The following PTPRK variants were observed in gnomAD, a reference collection of about 807,000 sequenced individuals.
The protein encoded by PTPRK is receptor-type tyrosine-protein phosphatase kappa.
Under a neutral mutation model 178.0 loss-of-function variants are expected in PTPRK, and 75 were observed. The observed-to-expected ratio is 0.42, with a 90% CI of 0.35 to 0.51. PTPRK has a LOEUF of 0.51. PTPRK is among the 20% of genes least tolerant of loss of function. The pLI is 0.02. For missense variants in PTPRK, 1,441 were observed against 1,797.8 expected (o/e 0.80, Z 3.59); for synonymous variants, 637 against 620.6 (o/e 1.03, Z -0.39).
intron 13 of PTPRK, among the ~76,000 whole-genome samples, chr6:128,025,809 C>G (rs1774204412): frequency 6.6e-6 from 1 of 152,168 alleles, no homozygotes; most frequent in African/African-American, 2.4e-5. Flanking sequence ...GACTTCTCCT[C>G]TGTCAAATCT....
At chr6:127,987,275 G>GA (rs34440526) in intron 21 of PTPRK, among the ~76,000 whole-genome samples, 52,300 of 149,258 alleles carry the variant, frequency 0.35, 9,940 homozygotes, top group East Asian at 0.43. Context: ...TAAATAACAA[G>GA]AAAAAAAAAT....
chr6:127,985,985 C>CCTG, intron 21 of PTPRK, 110 bp from the exon 22 acceptor site: 1 of 1,083,634 alleles, frequency 9.2e-7, no homozygotes, highest in Non-Finnish European at 1.3e-6. Context: ...ACAATAAAAC[C>CCTG]TTTACGAAAG....
intron 7 of PTPRK, among the ~76,000 whole-genome samples, chr6:128,121,661 A>C (rs942417167): frequency 6.6e-6 from 1 of 152,032 alleles, no homozygotes; most frequent in African/African-American, 2.4e-5. Context: ...ACTCAAAGGA[A>C]TAAGTCAAAA....
chr6:128,317,884 G>T (rs1828237577), intron 3 of PTPRK, among the ~76,000 whole-genome samples: 1 of 152,072 alleles, frequency 6.6e-6, no homozygotes, highest in Non-Finnish European at 1.5e-5. Flanking sequence ...AAGAAGCTGG[G>T]AAAGCAAGTA....
intron 13 of PTPRK, among the ~76,000 whole-genome samples, chr6:128,039,444 G>A (rs940859645): frequency 2.0e-5 from 3 of 151,994 alleles, no homozygotes; most frequent in Admixed American, 2.0e-4. Flanking sequence ...AATATATAAC[G>A]AATGCCAACT....
At chr6:128,186,090 A>G (rs1415192426) in intron 6 of PTPRK, among the ~76,000 whole-genome samples, 2 of 152,258 alleles carry the variant, frequency 1.3e-5, no homozygotes, top group African/African-American at 4.8e-5. Context: ...GATTCTTTCA[A>G]AATTCATATG....
At chr6:128,457,246 C>T (rs1235761024) in intron 1 of PTPRK, among the ~76,000 whole-genome samples, 1 of 152,156 alleles carries the variant, frequency 6.6e-6, no homozygotes, top group Non-Finnish European at 1.5e-5. Flanking sequence ...TCCAAGTTTA[C>T]TATGGAAAAT....
chr6:128,310,858 A>T (rs1280246639), intron 3 of PTPRK, among the ~76,000 whole-genome samples: 1 of 152,202 alleles, frequency 6.6e-6, no homozygotes, highest in African/African-American at 2.4e-5. Flanking sequence ...CATATTGGAC[A>T]CAGAACTTGT....
intron 5 of PTPRK, among the ~76,000 whole-genome samples, chr6:128,234,719 A>G (rs1373306061): frequency 3.3e-5 from 5 of 152,196 alleles, no homozygotes; most frequent in African/African-American, 4.8e-5. Context: ...TCTATCTATT[A>G]TCCTGTTCAT....
chr6:128,395,268 T>C (rs1840145546), intron 2 of PTPRK, among the ~76,000 whole-genome samples: 1 of 152,206 alleles, frequency 6.6e-6, no homozygotes, highest in South Asian at 2.1e-4. Flanking sequence ...AAACACTGTT[T>C]CATTCGGCAA....
intron 1 of PTPRK, among the ~76,000 whole-genome samples, chr6:128,501,404 C>G (rs1410488022): frequency 3.3e-5 from 5 of 151,998 alleles, no homozygotes; most frequent in Non-Finnish European, 4.4e-5. Context: ...CACACACACA[C>G]ACACACACAC....
At chr6:128,242,916 G>A (rs536372503) in intron 3 of PTPRK, among the ~76,000 whole-genome samples, 27 of 152,176 alleles carry the variant, frequency 1.8e-4, no homozygotes, top group African/African-American at 5.8e-4. Context: ...GTAAACTTTC[G>A]CATATTGATT....
chr6:128,350,410 T>C (rs1464012651), intron 2 of PTPRK, among the ~76,000 whole-genome samples: 1 of 152,058 alleles, frequency 6.6e-6, no homozygotes, highest in Non-Finnish European at 1.5e-5. Flanking sequence ...AGGAGACTTA[T>C]CAACAGCATC....
chr6:128,105,539 C>G (rs1789581894), intron 7 of PTPRK, among the ~76,000 whole-genome samples: 1 of 152,242 alleles, frequency 6.6e-6, no homozygotes, highest in African/African-American at 2.4e-5. Flanking sequence ...AATCTAAAGG[C>G]TTTGAGCATA....
At chr6:128,475,644 A>G (rs983276033) in intron 1 of PTPRK, among the ~76,000 whole-genome samples, 1 of 152,042 alleles carries the variant, frequency 6.6e-6, no homozygotes, top group Admixed American at 6.6e-5. Flanking sequence ...TGCAAAATTC[A>G]TAAGAAACAA....
intron 8 of PTPRK, among the ~76,000 whole-genome samples, chr6:128,089,258 C>A (rs1190430078): frequency 2.0e-5 from 3 of 152,198 alleles, no homozygotes; most frequent in Non-Finnish European, 1.5e-5. Context: ...ACCACTACAC[C>A]CGGCCCAACA....
At chr6:128,387,818 T>C (rs958780205) in intron 2 of PTPRK, among the ~76,000 whole-genome samples, 1 of 152,058 alleles carries the variant, frequency 6.6e-6, no homozygotes, top group Admixed American at 6.6e-5. Context: ...ATGCAGTAAA[T>C]GCATGAAATT....
At chr6:128,242,330 C>T (rs1583656142) in intron 4 of PTPRK, among the ~76,000 whole-genome samples, 191 bp downstream of exon 4, 1 of 152,134 alleles carries the variant, frequency 6.6e-6, no homozygotes, top group African/African-American at 2.4e-5. Context: ...CAATTAGTTA[C>T]AAGTTTGAAA....
At chr6:128,195,932 TAAAC>T (rs1400979103) in intron 6 of PTPRK, among the ~76,000 whole-genome samples, 6 of 152,108 alleles carry the variant, frequency 3.9e-5, no homozygotes, top group Non-Finnish European at 5.9e-5. Flanking sequence ...ATTTTGGAAT[TAAAC>T]AAAAAACAAT....
Sources: allele counts gnomAD v4.1 joint callset (sites outside exome capture counted in the v4.1 genomes callset), GRCh38; gene constraint gnomAD v4.1.1; transcripts MANE v1.5; gene names NCBI Gene and HGNC (gene_info 2026-07-23, HGNC 2026-07-21).